HMCN2: variants seen among roughly 807,000 people sequenced by gnomAD.
HMCN2 encodes the protein hemicentin-2.
HMCN2 carries 325 observed loss-of-function variants against 377.5 expected under a neutral mutation model. That is an observed-to-expected ratio of 0.86 (90% confidence interval 0.79 to 0.94). HMCN2 has a LOEUF of 0.94. HMCN2 is among the 40% of genes least tolerant of loss of function. The pLI is 0.00. For synonymous variants in HMCN2, 2,007 were observed against 2,046.8 expected (o/e 0.98, Z 0.53); for missense variants, 4,543 against 4,725.3 (o/e 0.96, Z 1.13).
rs1465988116 is a variant in HMCN2, at chr9:130,428,423, G to C, written c.14131G>C (p.Gly4711Arg). 3 of 1,547,072 alleles carry C rather than the reference G, an allele frequency of 1.9e-6. No homozygotes were observed. Among genetic ancestry groups the C allele is most frequent in the Non-Finnish European group, 1.7e-6 (2 of 1,146,942 alleles). The change falls in exon 93 of 98, where the codon GGG (glycine) becomes CGG (arginine). Residue 4711 changes from glycine (G) to arginine (R), a missense_variant. This residue lies in a region of HMCN2 where 1,155 missense variants were observed against 1,157.7 expected (regional missense o/e 1.00). Transcript: ENST00000683500. This position sits in a 1 kb window ranked among gnomAD's most constrained non-coding sequence, Gnocchi z 5.0. ...REGQRCVNLL[G>R]SYRCLPDCGP... ...GGGACAGCGCTGTGTGAACCTGCTC[G>C]GGTCCTACCGCTGCCTCCCCGACTG... is the stretch of plus-strand genomic sequence containing the variant.
rs769344867 is a variant in HMCN2, at chr9:130,391,303, C to T, written c.9767C>T (p.Pro3256Leu). The T allele has an allele frequency of 3.2e-5, 32 of 987,546 alleles. No homozygotes were observed. Among genetic ancestry groups the T allele is most frequent in the East Asian group, 1.1e-4 (1 of 8,822 alleles). 61.2% of individuals were successfully genotyped at this position (987,546 alleles called of 1,614,324 possible). A position where few individuals can be genotyped will look rare whatever the true frequency, so the allele number is the denominator to read the frequency against. Residue 3256 changes from proline (P) to leucine (L), a missense_variant, in exon 64 of 98, where the codon CCG (proline) becomes CTG (leucine). By Grantham distance (98) the Pro-to-Leu change is moderately conservative. Around this residue, in one of 5 missense-constraint regions of HMCN2, gnomAD observed 1,073 missense variants for 1,319.5 expected, o/e 0.81. Transcript: ENST00000683500. ...LDCEADGQPP[P>L]DVAWLKDGSP... ...TGTGAGGCCGATGGGCAGCCGCCGCCGGACGTGGCCTGGCTGAAGGACGGC... is the reference window on the plus strand; with the variant it reads ...TGTGAGGCCGATGGGCAGCCGCCGCTGGACGTGGCCTGGCTGAAGGACGGC...
Position 130,401,013 on chromosome 9 carries a change from G to A in HMCN2, c.11770+66G>A, listed in dbSNP as rs1049049445. ...GACTGGGAGAGCAGGCAGAGGGGGT[G>A]AAAGGTCACATGGCGGAATAGGATG... is the stretch of plus-strand genomic sequence containing the variant. On this transcript the variant is annotated intron_variant, in intron 77 of 97. Coordinates refer to ENST00000683500, the MANE Select transcript of HMCN2 (RefSeq NM_001291815.2). 1.2e-5 allele frequency: 15 copies of A among 1,217,026 alleles called. No homozygotes were observed. The South Asian group carries it at 2.1e-4, about 17-fold the overall frequency. 75.4% of individuals were successfully genotyped at this position (1,217,026 alleles called of 1,614,324 possible). A position where few individuals can be genotyped will look rare whatever the true frequency, so the allele number is the denominator to read the frequency against.
rs781911875 is a variant in HMCN2 at position 130,271,371 on chromosome 9, T to C, written c.259+5234T>C. ...TATCTACATGGATTATTTGGAATTA[T>C]TCTGCATGAGAGTTGTCTCTTCTGC... On this transcript the variant is annotated intron_variant, in intron 1 of 97. Coordinates refer to ENST00000683500, the MANE Select transcript of HMCN2 (RefSeq NM_001291815.2). Among the ~76,000 whole-genome samples, 21 of 149,078 alleles carry C rather than the reference T, an allele frequency of 1.4e-4. 3 individuals are homozygous for C. The highest frequency in any genetic ancestry group is 2.7e-4 in the Admixed American group (4 of 14,904).
At position 130,429,655 on chromosome 9, in the gene HMCN2, C is replaced by A; in HGVS notation, c.14296C>A (p.Arg4766=). 3 of 1,544,476 alleles carry A rather than the reference C, an allele frequency of 1.9e-6. No homozygotes were observed. Among genetic ancestry groups the A allele is most frequent in the Non-Finnish European group, 1.7e-6 (2 of 1,143,586 alleles). Residue 4766 remains arginine (R), a synonymous_variant, in exon 94 of 98, where the codon CGG becomes AGG. Coordinates refer to ENST00000683500, the MANE Select transcript of HMCN2 (RefSeq NM_001291815.2). ...CCGCTGCAGCTGCCCCAGGGGTTAC[C>A]GGATGCAGGGCCCCAGCCTGCCCTG... is the stretch of plus-strand genomic sequence containing the variant. The part of the protein sequence containing the change: ...GHRCSCPRGY[R]MQGPSLPCLD...
chr9:130,385,050 G>T (rs11244110), intron 59 of HMCN2, among the ~76,000 whole-genome samples: 54,239 of 152,070 alleles, frequency 0.36, 11,311 homozygotes, highest in East Asian at 0.71. Flanking sequence ...CAAGGCTCGT[G>T]GTCTTCAGAA....
At position 130,349,193 on chromosome 9, in the gene HMCN2, C is replaced by T. The variant is rs899263295; in HGVS notation, c.4303+62C>T. 3.9e-6 allele frequency: 5 copies of T among 1,272,526 alleles called. No homozygotes were observed. In the East Asian group the frequency reaches 2.8e-4, roughly 72 times the overall value. 78.8% of individuals were successfully genotyped at this position (1,272,526 alleles called of 1,614,324 possible). The stretch of plus-strand genomic sequence containing the variant: ...TCTGGCCCTGTAGCCCCAACTCTTG[C>T]AGGCACACCGGGGGAGAGGGTAGAC... On this transcript the variant is annotated intron_variant, in intron 28 of 97. Coordinates refer to ENST00000683500, the MANE Select transcript of HMCN2 (RefSeq NM_001291815.2).
chr9:130,370,234 G>A (rs1840942061), intron 45 of HMCN2, among the ~76,000 whole-genome samples: 1 of 152,170 alleles, frequency 6.6e-6, no homozygotes, highest in Non-Finnish European at 1.5e-5. Flanking sequence ...GCAGGTCAGG[G>A]CAACCTCCCA....
rs1317653279 is a variant in HMCN2, at chr9:130,355,818, C to T, written c.5219C>T (p.Pro1740Leu). Residue 1740 changes from proline (P) to leucine (L), a missense_variant, in exon 33 of 98, where the codon CCC (proline) becomes CTC (leucine). By Grantham distance (98) the Pro-to-Leu change is moderately conservative. Coordinates refer to ENST00000683500, the MANE Select transcript of HMCN2 (RefSeq NM_001291815.2). ...ATCGTGGGACAGCCCCTGGAACTTC[C>T]CTGCCAGGCCTCAGGCTCCCCAGTA... ...TTIVGQPLEL[P>L]CQASGSPVPT... The T allele has an allele frequency of 1.5e-6, 2 of 1,303,748 alleles. No individual in the cohort carries two copies. The highest frequency in any genetic ancestry group is 1.1e-4 in the East Asian group (2 of 18,038). 80.8% of individuals were successfully genotyped at this position (1,303,748 alleles called of 1,614,324 possible).
Position 130,364,781 on chromosome 9 carries a change from G to A in HMCN2, c.6300G>A (p.Glu2100=). Residue 2100 remains glutamate (E), a synonymous_variant, in exon 41 of 98, where the codon GAG becomes GAA. Coordinates refer to ENST00000683500, the MANE Select transcript of HMCN2 (RefSeq NM_001291815.2). ...SVVANESVAL[E]CQSHAMPPPV... is the part of the protein sequence containing the mutation. ...TGGCCAATGAGTCAGTGGCCCTGGA[G>A]TGCCAGAGCCACGCCATGCCCCCTC... 7.1e-6 allele frequency: 7 copies of A among 985,848 alleles called. No homozygotes were observed. The highest frequency in any genetic ancestry group is 8.4e-6 in the Non-Finnish European group (7 of 829,888). 61.1% of individuals were successfully genotyped at this position (985,848 alleles called of 1,614,324 possible).
In HMCN2 at chr9:130,383,616, C is replaced by G; in HGVS notation, c.8830+16C>G. 2.0e-6 allele frequency: 2 copies of G among 980,844 alleles called. No individual in the cohort carries two copies. The highest frequency in any genetic ancestry group is 2.4e-6 in the Non-Finnish European group (2 of 825,310). 60.8% of individuals were successfully genotyped at this position (980,844 alleles called of 1,614,324 possible). ...AGGGTTCAAGGTGAGCTGGGCTGAG[C>G]AGGCAGCCCCTGTGGGTTCCTTTTC... On this transcript the variant is annotated intron_variant, in intron 57 of 97. Coordinates refer to ENST00000683500, the MANE Select transcript of HMCN2 (RefSeq NM_001291815.2).
intron 31 of HMCN2, among the ~76,000 whole-genome samples, chr9:130,354,429 T>C (rs560287008): frequency 2.6e-5 from 4 of 152,142 alleles, no homozygotes; most frequent in Non-Finnish European, 5.9e-5. Flanking sequence ...GGGGGTCTTA[T>C]TTGAGTCCAG....
At position 130,360,675 on chromosome 9, in the gene HMCN2, G is replaced by A; in HGVS notation, c.5950+71G>A. On this transcript the variant is annotated intron_variant, in intron 38 of 97. Coordinates refer to ENST00000683500, the MANE Select transcript of HMCN2 (RefSeq NM_001291815.2). The surrounding 1 kb of genome is among the most constrained non-coding windows in gnomAD (Gnocchi z 4.7). ...TTTTCATTCATTTGTCTATTAGTCTGTCCATCCACCTGTCCACTCATCCAT... is the reference window on the plus strand; with the variant it reads ...TTTTCATTCATTTGTCTATTAGTCTATCCATCCACCTGTCCACTCATCCAT... 1.0e-6 allele frequency: 1 copy of A among 983,566 alleles called. No homozygotes were observed. The highest frequency in any genetic ancestry group is 1.4e-6 in the Non-Finnish European group (1 of 730,734). The allele number at this position is 983,566 out of a possible 1,614,324, so 60.9% of individuals were successfully genotyped here. A position where few individuals can be genotyped will look rare whatever the true frequency, so the allele number is the denominator to read the frequency against.
chr9:130,283,893 G>T, intron 1 of HMCN2, among the ~76,000 whole-genome samples: 1 of 117,306 alleles, frequency 8.5e-6, no homozygotes, highest in Non-Finnish European at 1.7e-5. Flanking sequence ...ACAAGCCTTT[G>T]TGTGAACATA....
At chr9:130,356,410 G>A in intron 34 of HMCN2, 153 bp downstream of exon 34, 2 of 520,892 alleles carry the variant, frequency 3.8e-6, no homozygotes, top group Non-Finnish European at 4.9e-6. Context: ...CAGAGACGCA[G>A]GTGTGAGAGG....
At chr9:130,372,260 G>C (rs1841063467) in intron 46 of HMCN2, 34 bp from the exon 47 acceptor site, 1 of 874,890 alleles carries the variant, frequency 1.1e-6, no homozygotes, top group African/African-American at 1.8e-5. Context: ...GCTGCTCAGA[G>C]CCATGCTTGG....
chr9:130,416,871 A>G (rs1373885593), intron 85 of HMCN2, among the ~76,000 whole-genome samples: 1 of 150,014 alleles, frequency 6.7e-6, no homozygotes, highest in Non-Finnish European at 1.5e-5. Flanking sequence ...AAGTGAGCAC[A>G]TTATCTCGGA....
rs782454491 is a variant in HMCN2, at chr9:130,303,914, C to G, written c.1543+306C>G. Among the ~76,000 whole-genome samples the G allele has an allele frequency of 6.6e-6, 1 of 152,164 alleles. No homozygotes were observed. The highest frequency in any genetic ancestry group is 2.4e-5 in the African/African-American group (1 of 41,430). On this transcript the variant is annotated intron_variant, in intron 10 of 97. Coordinates refer to ENST00000683500, the MANE Select transcript of HMCN2 (RefSeq NM_001291815.2). The surrounding 1 kb of genome is among the most constrained non-coding windows in gnomAD (Gnocchi z 5.2). ...CAGGGGCCGCCATCCATCTCGTGGTCGGGACAACCTTCGTGCCTCCAAGTC... is the reference window on the plus strand; with the variant it reads ...CAGGGGCCGCCATCCATCTCGTGGTGGGGACAACCTTCGTGCCTCCAAGTC...
At position 130,388,410 on chromosome 9, in the gene HMCN2, G is replaced by A; in HGVS notation, c.9393G>A (p.Val3131=). Residue 3131 remains valine (V), a splice_region_variant and synonymous_variant, in exon 62 of 98, where the codon GTG becomes GTA. Coordinates refer to ENST00000683500, the MANE Select transcript of HMCN2 (RefSeq NM_001291815.2). ...AVRTFTLTVQ[V]PPTFENPKTE... ...GACAGTCTGGCTTTCTTCCTGCAGT[G>A]CCCCCAACATTTGAGAACCCCAAGA... The A allele has an allele frequency of 1.0e-6, 1 of 987,978 alleles. No individual in the cohort carries two copies. The highest frequency in any genetic ancestry group is 1.2e-6 in the Non-Finnish European group (1 of 830,104). The allele number at this position is 987,978 out of a possible 1,614,324, so 61.2% of individuals were successfully genotyped here.
At chr9:130,432,128 C>T (rs949825958) in intron 96 of HMCN2, among the ~76,000 whole-genome samples, 10 of 152,200 alleles carry the variant, frequency 6.6e-5, no homozygotes, top group Non-Finnish European at 1.2e-4. Flanking sequence ...TCTGGGTCTT[C>T]GGGCAAAGCA....
Sources: gnomAD v4.1 joint callset for allele counts (sites outside exome capture counted in the v4.1 genomes callset) on GRCh38, gnomAD v4.1.1 for gene constraint, gnomAD v4.1.1 regional missense constraint, Gnocchi (gnomAD v3.1) non-coding constraint, MANE v1.5 for transcripts, NCBI Gene and HGNC (gene_info 2026-07-23, HGNC 2026-07-21) for gene names.